The following FBLN7 variants were observed in gnomAD, a reference collection of about 807,000 sequenced individuals.
FBLN7 encodes fibulin 7.
A neutral mutation model predicts 44.0 loss-of-function variants in FBLN7; 31 were observed. That is an observed-to-expected ratio of 0.70 (90% CI 0.53 to 0.95). FBLN7 has a LOEUF of 0.95. FBLN7 is among the 40% of genes least tolerant of loss of function. The probability of loss-of-function intolerance (pLI) is 0.00; values close to 1 mark genes in which losing one functional copy is unlikely to be tolerated. For synonymous variants in FBLN7, 262 were observed against 253.4 expected (o/e 1.03, Z -0.32); for missense variants, 573 against 618.5 (o/e 0.93, Z 0.78).
At chr2:112,182,730 T>A (rs890866636) in intron 5 of FBLN7, 61 bp from the exon 6 acceptor site, 1 of 1,523,514 alleles carries the variant, frequency 6.6e-7, no homozygotes, top group Non-Finnish European at 8.8e-7. Flanking sequence ...TTGTTCTGGG[T>A]CACAGCTGGC....
chr2:112,178,728 A>G (rs1346921427), intron 4 of FBLN7, among the ~76,000 whole-genome samples: 1 of 152,270 alleles, frequency 6.6e-6, no homozygotes, highest in African/African-American at 2.4e-5. Context: ...GATTCATCAC[A>G]TAAACAGAAC....
At chr2:112,171,105 G>C (rs1338416996) in intron 3 of FBLN7, among the ~76,000 whole-genome samples, 1 of 152,212 alleles carries the variant, frequency 6.6e-6, no homozygotes, top group Admixed American at 6.5e-5. Context: ...TAAAATGGCT[G>C]TGCGACAGAC....
At chr2:112,230,340 C>T in the FBLN7 span, among the ~76,000 whole-genome samples, 1 of 152,122 alleles carries the variant, frequency 6.6e-6, no homozygotes, top group Non-Finnish European at 1.5e-5. Flanking sequence ...TATGATTCTA[C>T]TCCTTGGCAC....
chr2:112,161,833 G>A (rs1681888301), intron 2 of FBLN7, among the ~76,000 whole-genome samples: 2 of 152,204 alleles, frequency 1.3e-5, no homozygotes, highest in Non-Finnish European at 2.9e-5. Flanking sequence ...ATCATGTATT[G>A]TATTTCTAAG....
the FBLN7 span, chr2:112,240,499 C>T: frequency 6.6e-6 from 1 of 152,108 alleles, no homozygotes. Flanking sequence ...GCATCTGAAT[C>T]AAAATATTAA....
chr2:112,206,964 C>T, the FBLN7 span, among the ~76,000 whole-genome samples: 1 of 151,126 alleles, frequency 6.6e-6, no homozygotes, highest in Non-Finnish European at 1.5e-5. Flanking sequence ...AACTCCTGGG[C>T]TTAAGTGATC....
the FBLN7 span, chr2:112,233,413 T>C: frequency 9.3e-6 from 12 of 1,283,534 alleles, no homozygotes; most frequent in Admixed American, 1.4e-4. Context: ...TTATTTCTCA[T>C]AGTCAAGTCA....
In FBLN7 at chr2:112,165,751, G is replaced by T. The variant is rs551914890; in HGVS notation, c.406+580G>T. ...CTGCATTGGGACTTGGTATCAAGAG[G>T]CTCCAGGAGAGTCCACTGTGTCGGG... is the stretch of plus-strand genomic sequence containing the variant. On this transcript the variant is annotated intron_variant, in intron 3 of 7. Transcript: ENST00000331203. 3.3e-4 allele frequency among the ~76,000 whole-genome samples: 50 copies of T among 152,294 alleles called. No homozygotes were observed. The South Asian group carries it at 9.9e-3, about 30-fold the overall frequency.
the FBLN7 span, among the ~76,000 whole-genome samples, chr2:112,202,963 C>T: frequency 3.9e-5 from 6 of 152,182 alleles, no homozygotes; most frequent in Non-Finnish European, 2.9e-5. Context: ...CAAAAACAAT[C>T]AGTAGCAATT....
chr2:112,158,043 A>G lies in FBLN7; in HGVS notation c.76-1633A>G, dbSNP rs1183693135. Among the ~76,000 whole-genome samples, 8 of 151,560 alleles carry G rather than the reference A, an allele frequency of 5.3e-5. 1 individual carries two copies. Among genetic ancestry groups the G allele is most frequent in the Non-Finnish European group, 8.8e-5 (6 of 67,920 alleles). The stretch of plus-strand genomic sequence containing the variant: ...CTCCTGAGTAGGTGGGACTACAGGC[A>G]CCCGCCACCTCACCCGGATAATTTT... On this transcript the variant is annotated intron_variant, in intron 1 of 7. Coordinates refer to ENST00000331203, the MANE Select transcript of FBLN7 (RefSeq NM_153214.3).
chr2:112,148,977 G>A (rs1157134443), intron 1 of FBLN7, among the ~76,000 whole-genome samples: 3 of 152,218 alleles, frequency 2.0e-5, no homozygotes, highest in Non-Finnish European at 4.4e-5. Flanking sequence ...GTTGGCACAG[G>A]GAGGAAGACC....
chr2:112,218,898 A>G, the FBLN7 span, among the ~76,000 whole-genome samples: 1 of 152,218 alleles, frequency 6.6e-6, no homozygotes, highest in Non-Finnish European at 1.5e-5. Context: ...AATTTAATCA[A>G]GGAGGTGAGA....
the FBLN7 span, among the ~76,000 whole-genome samples, chr2:112,195,470 A>C: frequency 3.3e-5 from 5 of 152,252 alleles, no homozygotes; most frequent in South Asian, 1.0e-3. Flanking sequence ...GACCCAGGCA[A>C]ACCTCCATCA....
chr2:112,230,875 A>G, the FBLN7 span: 1 of 1,288,254 alleles, frequency 7.8e-7, no homozygotes, highest in Non-Finnish European at 1.0e-6. Context: ...GACAAGAAAA[A>G]AAGAAATGTG....
intron 1 of FBLN7, among the ~76,000 whole-genome samples, chr2:112,147,981 G>T (rs1239663916): frequency 2.6e-5 from 4 of 152,064 alleles, no homozygotes; most frequent in Non-Finnish European, 4.4e-5. Flanking sequence ...AAGCTGACCC[G>T]CGCTCTCTCC....
At chr2:112,193,274 C>T in the FBLN7 span, among the ~76,000 whole-genome samples, 4 of 152,168 alleles carry the variant, frequency 2.6e-5, no homozygotes, top group East Asian at 7.7e-4. Context: ...AACTCCATCT[C>T]TACTAAAAAT....
At chr2:112,185,126 G>A in intron 6 of FBLN7, 75 bp from the exon 7 acceptor site, 1 of 1,544,552 alleles carries the variant, frequency 6.5e-7, no homozygotes, top group East Asian at 2.3e-5. Flanking sequence ...GACCTGCAGG[G>A]CCTCTCATGT....
chr2:112,174,551 A>G (rs1401165759), intron 3 of FBLN7, among the ~76,000 whole-genome samples: 1 of 150,778 alleles, frequency 6.6e-6, no homozygotes, highest in Non-Finnish European at 1.5e-5. Flanking sequence ...GCCAACAAGG[A>G]GGTGTTTTCA....
At chr2:112,235,915 G>A in the FBLN7 span, among the ~76,000 whole-genome samples, 2 of 141,932 alleles carry the variant, frequency 1.4e-5, no homozygotes, top group African/African-American at 5.3e-5. Context: ...CATTTTTCCC[G>A]AGTCATTGAT....
Sources: gnomAD v4.1 joint callset for allele counts (sites outside exome capture counted in the v4.1 genomes callset) on GRCh38, gnomAD v4.1.1 for gene constraint, MANE v1.5 for transcripts, NCBI Gene and HGNC (gene_info 2026-07-23, HGNC 2026-07-21) for gene names.